The following TENT5D variants were observed in gnomAD, a reference collection of about 807,000 sequenced individuals.
The protein encoded by TENT5D is cancer/testis antigen 112.
For synonymous variants in TENT5D, 103 were observed against 100.6 expected (o/e 1.02, Z -0.15); for missense variants, 191 against 287.0 (o/e 0.67, Z 2.42).
At chrX:80,352,894 C>T (rs143578409) in intron 3 of TENT5D, among the ~76,000 whole-genome samples, 466 of 110,549 alleles carry the variant, frequency 4.2e-3, no homozygotes, top group African/African-American at 0.015. Context: ...GGCCGGATAG[C>T]GCAGTCTCTC....
chrX:80,365,818 G>C (rs900090252), intron 3 of TENT5D, among the ~76,000 whole-genome samples: 17 of 109,174 alleles, frequency 1.6e-4, no homozygotes, highest in African/African-American at 5.7e-4. Flanking sequence ...TCCAGCCTGG[G>C]GGATAGAGCA....
At chrX:80,362,076 T>TG (rs754094186) in intron 3 of TENT5D, among the ~76,000 whole-genome samples, 85 of 111,892 alleles carry the variant, frequency 7.6e-4, no homozygotes, top group African/African-American at 2.3e-3. Flanking sequence ...TATGAGAATA[T>TG]GTGCTATTTG....
intron 3 of TENT5D, among the ~76,000 whole-genome samples, chrX:80,366,395 A>G (rs1214140088): frequency 1.8e-5 from 2 of 111,402 alleles, no homozygotes; most frequent in African/African-American, 6.5e-5. Flanking sequence ...TCTATAAACT[A>G]CCTTTAGAAT....
intron 3 of TENT5D, among the ~76,000 whole-genome samples, chrX:80,366,424 T>G: frequency 8.9e-6 from 1 of 111,768 alleles, no homozygotes; most frequent in Non-Finnish European, 1.9e-5. Context: ...TTTATTGCCA[T>G]GCACTTAAAG....
At chrX:80,376,673 G>A (rs1430787030) in intron 3 of TENT5D, among the ~76,000 whole-genome samples, 1 of 111,264 alleles carries the variant, frequency 9.0e-6, no homozygotes, top group African/African-American at 3.3e-5. Flanking sequence ...CTGAGTAGCC[G>A]ATGTATGTAT....
At chrX:80,379,144 T>TAGAGAA (rs1263439736) in intron 3 of TENT5D, among the ~76,000 whole-genome samples, 1 of 104,456 alleles carries the variant, frequency 9.6e-6, no homozygotes, top group Non-Finnish European at 2.0e-5. Flanking sequence ...CTGCATTCTC[T>TAGAGAA]TGCAGAAAAG....
intron 3 of TENT5D, among the ~76,000 whole-genome samples, chrX:80,344,407 A>C (rs1379148647): frequency 9.0e-6 from 1 of 110,952 alleles, no homozygotes; most frequent in Non-Finnish European, 1.9e-5. Flanking sequence ...ACTAATTTAC[A>C]TTCCCACCAG....
chrX:80,404,163 C>T (rs1931438602), intron 3 of TENT5D, among the ~76,000 whole-genome samples: 1 of 111,411 alleles, frequency 9.0e-6, no homozygotes, highest in South Asian at 3.8e-4. Context: ...AAGTTTAAAA[C>T]AATATCATCA....
chrX:80,366,327 G>A (rs184661845), intron 3 of TENT5D, among the ~76,000 whole-genome samples: 3 of 109,496 alleles, frequency 2.7e-5, no homozygotes, highest in Admixed American at 9.9e-5. Context: ...TGAGAAAATA[G>A]TAAAATGTCT....
upstream of TENT5D, among the ~76,000 whole-genome samples, chrX:80,418,253 G>A (rs1931815426): frequency 9.1e-6 from 1 of 110,014 alleles, no homozygotes; most frequent in Non-Finnish European, 1.9e-5. Flanking sequence ...GAGCTCAAGT[G>A]ATAATCCTAC....
chrX:80,394,359 T>C (rs1328780164), intron 3 of TENT5D, among the ~76,000 whole-genome samples: 1 of 108,085 alleles, frequency 9.3e-6, no homozygotes, highest in Non-Finnish European at 1.9e-5. Flanking sequence ...TTTGTATGTC[T>C]TCTTTTGAGA....
At chrX:80,379,937 GT>G (rs1471509267) in intron 3 of TENT5D, among the ~76,000 whole-genome samples, 1 of 107,349 alleles carries the variant, frequency 9.3e-6, no homozygotes, top group Non-Finnish European at 1.9e-5. Context: ...TTTTTGAAGG[GT>G]TTTTTGTATC....
intron 3 of TENT5D, among the ~76,000 whole-genome samples, chrX:80,384,759 C>G (rs1930955373): frequency 9.4e-6 from 1 of 106,687 alleles, no homozygotes; most frequent in South Asian, 4.4e-4. Flanking sequence ...GCAAAAATCA[C>G]AAGCATTCTT....
At chrX:80,357,934 T>A (rs772215290) in intron 3 of TENT5D, among the ~76,000 whole-genome samples, 1 of 111,279 alleles carries the variant, frequency 9.0e-6, no homozygotes. Context: ...GCTACAGTAA[T>A]TAAAACAGCA....
intron 3 of TENT5D, among the ~76,000 whole-genome samples, chrX:80,414,418 G>A (rs371815382): frequency 8.0e-5 from 9 of 111,907 alleles, no homozygotes; most frequent in Middle Eastern, 4.6e-3. Context: ...ATCTGCAACA[G>A]GTCTCAGTCA....
chrX:80,343,546 C>T (rs1306443177), intron 3 of TENT5D, among the ~76,000 whole-genome samples: 1 of 109,350 alleles, frequency 9.1e-6, no homozygotes, highest in Non-Finnish European at 1.9e-5. Context: ...TACAGGCATG[C>T]ACCACCACAC....
chrX:80,338,232 G>A (rs915232057), intron 2 of TENT5D, among the ~76,000 whole-genome samples: 2 of 111,518 alleles, frequency 1.8e-5, no homozygotes, highest in Non-Finnish European at 3.8e-5. Flanking sequence ...TTAGAACAGG[G>A]CTACAATAGT....
chrX:80,358,420 G>A (rs1930333378), intron 3 of TENT5D, among the ~76,000 whole-genome samples: 1 of 111,988 alleles, frequency 8.9e-6, no homozygotes, highest in African/African-American at 3.2e-5. Context: ...GTAGAAAGAA[G>A]TTTTAAAATA....
intron 1 of TENT5D, among the ~76,000 whole-genome samples, chrX:80,421,522 G>T (rs1321521171): frequency 1.8e-5 from 2 of 112,307 alleles, no homozygotes; most frequent in Non-Finnish European, 3.8e-5. Flanking sequence ...TAAGAGTGAA[G>T]TTACCTTATT....
Sources: allele counts gnomAD v4.1 joint callset (sites outside exome capture counted in the v4.1 genomes callset), GRCh38; gene constraint gnomAD v4.1.1; transcripts MANE v1.5; gene names NCBI Gene and HGNC (gene_info 2026-07-23, HGNC 2026-07-21).